The following CLN6 variants were observed in gnomAD, a reference collection of about 807,000 sequenced individuals.
The protein encoded by CLN6 is ceroid-lipofuscinosis neuronal protein 6.
In CLN6, 22 loss-of-function variants were observed where a neutral mutation model predicts 33.3. The observed-to-expected ratio is 0.66, with a 90% CI of 0.47 to 0.94. CLN6 has a LOEUF of 0.94. Ranked by LOEUF, CLN6 falls within the 40% of genes least tolerant of loss-of-function variation. CLN6 has a pLI of 0.00. For missense variants in CLN6, 387 were observed against 417.1 expected, an observed-to-expected ratio of 0.93 and a Z score of 0.63; for synonymous variants, 201 against 174.6, an observed-to-expected ratio of 1.15 and a Z score of -1.19.
chr15:68,229,391 A>G, intron 1 of CLN6, 111 bp downstream of exon 1: 5 of 810,852 alleles, frequency 6.2e-6, no homozygotes, highest in Non-Finnish European at 8.8e-6. Context: ...CGCCCCGGCC[A>G]GCGCCGCACA....
rs190892150 is a variant in CLN6, at chr15:68,222,250, G to A, written c.84-3600C>T. Among the ~76,000 whole-genome samples, 202 of 142,892 alleles carry A rather than the reference G, an allele frequency of 1.4e-3. 1 individual carries two copies. Among genetic ancestry groups the A allele is most frequent in the African/African-American group, 5.2e-3 (195 of 37,762 alleles). The allele number at this position is 142,892 out of a possible 152,430, so 93.7% of individuals were successfully genotyped here. A position where few individuals can be genotyped will look rare whatever the true frequency, so the allele number is the denominator to read the frequency against. ...AGGTTAGGAGCCCTTCTGCCTGGCC[G>A]CCCCATCTGGGAAGTGAGGAGCACC... is the stretch of plus-strand genomic sequence containing the variant. On this transcript the variant is annotated intron_variant, in intron 1 of 6. Coordinates refer to ENST00000249806, the MANE Select transcript of CLN6 (RefSeq NM_017882.3).
chr15:68,251,476 A>G (rs1245698634), intron 1 of CLN6, among the ~76,000 whole-genome samples: 4 of 152,016 alleles, frequency 2.6e-5, no homozygotes, highest in African/African-American at 9.7e-5. Flanking sequence ...GGAGGTCGAG[A>G]CCAGGCTGAG....
rs191950323 is a variant in CLN6, at chr15:68,253,929, G to A, written c.179+2761C>T. Reference sequence around the variant, plus strand: ...GTCGCCCAGGCTGGAGTGCAGTGGCGCAAACTCCGCTTGCAGTGGCTCACT... The same window carrying A: ...GTCGCCCAGGCTGGAGTGCAGTGGCACAAACTCCGCTTGCAGTGGCTCACT... On this transcript the variant is annotated intron_variant, in intron 1 of 6. Coordinates refer to the CLN6 transcript ENST00000538696. 7.3e-5 allele frequency among the ~76,000 whole-genome samples: 11 copies of A among 150,378 alleles called. No individual in the cohort carries two copies. In the East Asian group the frequency reaches 2.0e-3, roughly 27 times the overall value.
chr15:68,250,517 C>G (rs946382207), intron 1 of CLN6, among the ~76,000 whole-genome samples: 2 of 150,754 alleles, frequency 1.3e-5, no homozygotes, highest in South Asian at 2.1e-4. Flanking sequence ...CCCAGCTACT[C>G]GGAAGGCTGA....
chr15:68,251,357 T>C (rs1376028513), intron 1 of CLN6, among the ~76,000 whole-genome samples: 1 of 152,172 alleles, frequency 6.6e-6, no homozygotes. Flanking sequence ...GGTAGATCAC[T>C]GTAAACATTG....
Position 68,220,086 on chromosome 15 carries a change from C to T in CLN6, c.84-1436G>A, listed in dbSNP as rs1005166953. On this transcript the variant is annotated intron_variant, in intron 1 of 6. Coordinates refer to ENST00000249806, the MANE Select transcript of CLN6 (RefSeq NM_017882.3). This position sits in a 1 kb window ranked among gnomAD's most constrained non-coding sequence, Gnocchi z 4.2. ...CTTCCTGCCAGTTCCAAGGATGATC[C>T]ATACTGGCTGGTAGAGTACCCCAGG... Among the ~76,000 whole-genome samples, 4 of 152,194 alleles carry T rather than the reference C, an allele frequency of 2.6e-5. No homozygotes were observed. Among genetic ancestry groups the T allele is most frequent in the Non-Finnish European group, 4.4e-5 (3 of 68,030 alleles).
intron 1 of CLN6, 97 bp downstream of exon 1, chr15:68,229,405 G>A (rs1166999317): frequency 6.0e-6 from 6 of 993,116 alleles, no homozygotes; most frequent in Non-Finnish European, 8.4e-6. Flanking sequence ...CCGCACACGA[G>A]GTTCCCGCCC....
At chr15:68,239,821 T>A (rs1175244410) in intron 1 of CLN6, among the ~76,000 whole-genome samples, 2 of 152,190 alleles carry the variant, frequency 1.3e-5, no homozygotes, top group Non-Finnish European at 2.9e-5. Context: ...GGAATATTTT[T>A]AAAAATTGAC....
chr15:68,224,003 G>A (rs572968577), intron 1 of CLN6, among the ~76,000 whole-genome samples: 17 of 151,510 alleles, frequency 1.1e-4, no homozygotes, highest in Non-Finnish European at 1.3e-4. Context: ...CCAGGATCAC[G>A]CCATTGCACT....
At position 68,209,711 on chromosome 15, in the gene CLN6, A is replaced by G; in HGVS notation, c.591T>C (p.Phe197=). Residue 197 remains phenylalanine, a synonymous_variant, in exon 6 of 7, where the codon TTT becomes TTC. Transcript: ENST00000249806. The surrounding 1 kb of genome is among the most constrained non-coding windows in gnomAD (Gnocchi z 4.9). ...LILFMYFSGC[F]TASKAESLIP... ...TCAAGCTCTCAGCTTTAGAGGCAGT[A>G]AAGCAGCCGCTGAAGTACATGAAGA... 1 of 1,613,842 alleles carries G rather than the reference A, an allele frequency of 6.2e-7. No individual in the cohort carries two copies. Among genetic ancestry groups the G allele is most frequent in the Non-Finnish European group, 8.5e-7 (1 of 1,179,966 alleles).
At chr15:68,232,160 A>ATT (rs5813478), upstream of CLN6, among the ~76,000 whole-genome samples, 79,542 of 142,392 alleles carry the variant, frequency 0.56, 25,523 homozygotes, top group East Asian at 0.97. The surrounding 1 kb of genome is among the most constrained non-coding windows in gnomAD (Gnocchi z 4.7). Flanking sequence ...TGTATCCGAT[A>ATT]TTTTTTTTTT....
At chr15:68,232,286 T>C (rs1360275442), upstream of CLN6, among the ~76,000 whole-genome samples, 1 of 151,896 alleles carries the variant, frequency 6.6e-6, no homozygotes, top group African/African-American at 2.4e-5. The surrounding 1 kb of genome is among the most constrained non-coding windows in gnomAD (Gnocchi z 4.7). Context: ...CCCTCCCAAG[T>C]AGCTGGGACT....
At position 68,229,662 on chromosome 15, in the gene CLN6, C is replaced by G. The variant is rs1294863691; in HGVS notation, c.-78G>C. 4.1e-6 allele frequency: 5 copies of G among 1,224,634 alleles called. No individual in the cohort carries two copies. Among genetic ancestry groups the G allele is most frequent in the East Asian group, 3.3e-5 (1 of 30,248 alleles). The allele number at this position is 1,224,634 out of a possible 1,614,324, so 75.9% of individuals were successfully genotyped here. A position where few individuals can be genotyped will look rare whatever the true frequency, so the allele number is the denominator to read the frequency against. ...GCTCGGCTGCCCCGGCGGAGGCCGC[C>G]GCAAATTCCCAGCGCGGGGCGGTTC... On this transcript the variant is annotated 5_prime_UTR_variant, in exon 1 of 7. Coordinates refer to ENST00000249806, the MANE Select transcript of CLN6 (RefSeq NM_017882.3).
In CLN6 at chr15:68,235,729, C is replaced by T. The variant is rs181918988; in HGVS notation, c.180-17079G>A. Among the ~76,000 whole-genome samples the T allele has an allele frequency of 4.0e-4, 60 of 151,626 alleles. 1 individual carries two copies. The highest frequency in any genetic ancestry group is 1.8e-4 in the Non-Finnish European group (12 of 67,932). On this transcript the variant is annotated intron_variant, in intron 1 of 6. Transcript: ENST00000538696. ...AACATAGCTCTGTATTTGTCAACAC[C>T]CTGGCACCCAGAAGAAGCAAATGTA...
chr15:68,219,960 C>T lies in CLN6; in HGVS notation c.84-1310G>A, dbSNP rs1032711244. 6.6e-6 allele frequency among the ~76,000 whole-genome samples: 1 copy of T among 152,192 alleles called. No homozygotes were observed. The highest frequency in any genetic ancestry group is 2.4e-5 in the African/African-American group (1 of 41,446). On this transcript the variant is annotated intron_variant, in intron 1 of 6. Coordinates refer to ENST00000249806, the MANE Select transcript of CLN6 (RefSeq NM_017882.3). The surrounding 1 kb of genome is among the most constrained non-coding windows in gnomAD (Gnocchi z 4.2). Reference sequence around the variant, plus strand: ...TACTGGCTGATTAAAACAGTCACAACGACCAGTTACTCCTTTTGTAGTGGC... The same window carrying T: ...TACTGGCTGATTAAAACAGTCACAATGACCAGTTACTCCTTTTGTAGTGGC...
At chr15:68,254,424 A>T in intron 1 of CLN6, 1 of 267,862 alleles carries the variant, frequency 3.7e-6, no homozygotes, top group Middle Eastern at 1.4e-3. Flanking sequence ...GAGCACTTGA[A>T]ATAAGATGTG....
chr15:68,214,250 A>G, intron 3 of CLN6, 40 bp downstream of exon 3: 1 of 1,449,266 alleles, frequency 6.9e-7, no homozygotes, highest in Non-Finnish European at 9.7e-7. Flanking sequence ...TGTGCAAAGA[A>G]TGGGGATGAC....
At chr15:68,254,579 A>G (rs1567107245) in intron 1 of CLN6, 5 of 563,132 alleles carry the variant, frequency 8.9e-6, no homozygotes, top group Non-Finnish European at 1.6e-5. Context: ...ACCCCAGGAC[A>G]GATCAAAGCC....
Position 68,229,467 on chromosome 15 carries a change from G to C in CLN6, c.83+35C>G, listed in dbSNP as rs150630197. ...GGTCCCGAGGCCCCAGCGCACAGGC[G>C]CCTAGCCCGCCCTCTCACCCCGGCG... On this transcript the variant is annotated intron_variant, in intron 1 of 6. Coordinates refer to ENST00000249806, the MANE Select transcript of CLN6 (RefSeq NM_017882.3). The C allele has an allele frequency of 0.011, 15,373 of 1,437,360 alleles. 1,316 individuals carry two copies. In the African/African-American group the frequency reaches 0.19, roughly 18 times the overall value. 89.0% of individuals were successfully genotyped at this position (1,437,360 alleles called of 1,614,324 possible).
Sources: allele counts gnomAD v4.1 joint callset (sites outside exome capture counted in the v4.1 genomes callset), GRCh38; gene constraint gnomAD v4.1.1; non-coding constraint Gnocchi (gnomAD v3.1); transcripts MANE v1.5; gene names NCBI Gene and HGNC (gene_info 2026-07-23, HGNC 2026-07-21).